CKAP2L: variants seen among roughly 807,000 people sequenced by gnomAD.
The protein encoded by CKAP2L is cytoskeleton associated protein 2L, also known as cytoskeleton-associated protein 2-like.
A neutral mutation model predicts 65.7 loss-of-function variants in CKAP2L; 42 were observed. That is an observed-to-expected ratio of 0.64 (90% CI 0.50 to 0.83). The LOEUF is 0.83. Among genes scored for constraint, CKAP2L ranks in the 40% least tolerant of loss-of-function variants. CKAP2L has a pLI of 0.00. For missense variants in CKAP2L, 908 were observed against 871.0 expected, an observed-to-expected ratio of 1.04 and a Z score of -0.53; for synonymous variants, 325 against 313.5, an observed-to-expected ratio of 1.04 and a Z score of -0.39.
chr2:112,750,981 A>G (rs1680356575), intron 5 of CKAP2L, among the ~76,000 whole-genome samples: 1 of 152,088 alleles, frequency 6.6e-6, no homozygotes, highest in Non-Finnish European at 1.5e-5. Context: ...GATCTTTTAA[A>G]AAGATTGAGA....
In CKAP2L at chr2:112,737,639, C is replaced by T. The variant is rs1679394709; in HGVS notation, c.*1184G>A. ...CTGCTGGTATTACAGGTTTATAGCT[C>T]AGTTTTTTGAGCTTTATTATAAATC... On this transcript the variant is annotated 3_prime_UTR_variant, in exon 9 of 9. Transcript: ENST00000302450. 1 of 152,076 alleles carries T rather than the reference C, an allele frequency of 6.6e-6. No homozygotes were observed. Among genetic ancestry groups the T allele is most frequent in the African/African-American group, 2.4e-5 (1 of 41,402 alleles). The allele number at this position is 152,076 out of a possible 1,614,324, so 9.4% of individuals were successfully genotyped here.
chr2:112,749,575 A>T (rs1054013219), intron 5 of CKAP2L, among the ~76,000 whole-genome samples: 1 of 152,044 alleles, frequency 6.6e-6, no homozygotes, highest in African/African-American at 2.4e-5. Context: ...GGCCACATTC[A>T]CCAACTACAA....
intron 5 of CKAP2L, among the ~76,000 whole-genome samples, chr2:112,749,482 C>T (rs925572674): frequency 6.6e-6 from 1 of 152,120 alleles, no homozygotes; most frequent in Non-Finnish European, 1.5e-5. Context: ...TTTTCAAACA[C>T]TTTTGGAACA....
In CKAP2L at chr2:112,738,933, C is replaced by A. The variant is rs1246284782; in HGVS notation, c.2128G>T (p.Val710Leu). 3 of 1,614,080 alleles carry A rather than the reference C, an allele frequency of 1.9e-6. No homozygotes were observed. Reference sequence around the variant, plus strand: ...AACAGTTCATCAAGAGAAGCCACTACTAAATCGTGTTCCTGCAGCATTTCT... The same window carrying A: ...AACAGTTCATCAAGAGAAGCCACTAATAAATCGTGTTCCTGCAGCATTTCT... ...YPEMLQEHDL[V>L]VASLDELLEV... The change falls in exon 9 of 9, where the codon GTA becomes TTA. Residue 710 changes from valine to leucine, a missense_variant. Val to Leu is a conservative substitution (Grantham distance 32, BLOSUM62 1). Transcript: ENST00000302450.
chr2:112,764,468 G>C, intron 1 of CKAP2L, 94 bp downstream of exon 1: 2 of 1,383,744 alleles, frequency 1.4e-6, no homozygotes, highest in Middle Eastern at 1.8e-4. Flanking sequence ...CGAGCGGACG[G>C]GCACCTCCCG....
rs1198563274 is a variant in CKAP2L at position 112,737,874 on chromosome 2, T to C, written c.*949A>G. On this transcript the variant is annotated 3_prime_UTR_variant, in exon 9 of 9. Coordinates refer to ENST00000302450, the MANE Select transcript of CKAP2L (RefSeq NM_152515.5). The stretch of plus-strand genomic sequence containing the variant: ...ATAAATAAGATAAACAAGCAGGAAC[T>C]AATAGAAATTTAATGTTGTTTTAAG... 1 of 152,230 alleles carries C rather than the reference T, an allele frequency of 6.6e-6. No homozygotes were observed. Among genetic ancestry groups the C allele is most frequent in the Non-Finnish European group, 1.5e-5 (1 of 68,046 alleles). The allele number at this position is 152,230 out of a possible 1,614,324, so 9.4% of individuals were successfully genotyped here.
At chr2:112,764,507 C>T (rs1439073278) in intron 1 of CKAP2L, 55 bp downstream of exon 1, 8 of 1,598,780 alleles carry the variant, frequency 5.0e-6, no homozygotes, top group Admixed American at 3.3e-5. Context: ...TGGCCTCCTA[C>T]TTCCCCGGCC....
chr2:112,757,523 G>T (rs1680583906), intron 3 of CKAP2L, among the ~76,000 whole-genome samples: 1 of 151,522 alleles, frequency 6.6e-6, no homozygotes, highest in Admixed American at 6.6e-5. Flanking sequence ...GCAAGTGGCT[G>T]GACTACAGGC....
At chr2:112,750,544 T>C (rs1340615823) in intron 5 of CKAP2L, among the ~76,000 whole-genome samples, 1 of 152,214 alleles carries the variant, frequency 6.6e-6, no homozygotes, top group Non-Finnish European at 1.5e-5. Context: ...TTTCTGATCC[T>C]ACAACTTCAC....
intron 6 of CKAP2L, 117 bp from the exon 7 acceptor site, chr2:112,742,886 C>G: frequency 1.5e-6 from 1 of 659,414 alleles, no homozygotes; most frequent in Non-Finnish European, 2.6e-6. Context: ...AAAATCTCGT[C>G]TAACTATAAA....
intron 4 of CKAP2L, among the ~76,000 whole-genome samples, chr2:112,755,633 T>TATCTGCTCTATTGCTGTTC (rs1361386163): frequency 6.6e-6 from 1 of 152,106 alleles, no homozygotes; most frequent in East Asian, 1.9e-4. Context: ...TGAACTCACT[T>TATCTGCTCTATTGCTGTTC]ATCTGCTCTA....
chr2:112,755,738 G>GA (rs150191453), intron 4 of CKAP2L, among the ~76,000 whole-genome samples: 25 of 136,538 alleles, frequency 1.8e-4, no homozygotes, highest in South Asian at 4.6e-4. Flanking sequence ...TTCTTAAAAA[G>GA]AAAAAAAAAA....
At chr2:112,739,891 T>TA (rs1679764865) in intron 8 of CKAP2L, among the ~76,000 whole-genome samples, 1 of 152,156 alleles carries the variant, frequency 6.6e-6, no homozygotes, top group African/African-American at 2.4e-5. Context: ...TAGGCTCAAG[T>TA]AATCCTCCTG....
intron 4 of CKAP2L, among the ~76,000 whole-genome samples, chr2:112,753,412 A>C (rs1680435824): frequency 6.6e-6 from 1 of 152,186 alleles, no homozygotes; most frequent in African/African-American, 2.4e-5. Flanking sequence ...ATATTTTCCA[A>C]GGCAGAAAGG....
intron 4 of CKAP2L, among the ~76,000 whole-genome samples, chr2:112,754,477 A>G (rs1001138480): frequency 6.6e-6 from 1 of 152,200 alleles, no homozygotes; most frequent in Non-Finnish European, 1.5e-5. Flanking sequence ...CCTTCTAATC[A>G]TAAACGAAGA....
chr2:112,759,701 T>C (rs985157757), intron 3 of CKAP2L, among the ~76,000 whole-genome samples: 2 of 152,224 alleles, frequency 1.3e-5, no homozygotes, highest in African/African-American at 2.4e-5. Context: ...TTTTGCCTTA[T>C]ATACATTTTG....
At chr2:112,753,529 T>C (rs1680442698) in intron 4 of CKAP2L, among the ~76,000 whole-genome samples, 2 of 134,158 alleles carry the variant, frequency 1.5e-5, no homozygotes, top group South Asian at 2.3e-4. Context: ...TTCTTTTCTT[T>C]TTTTTTTTTT....
rs1279311359 is a variant in CKAP2L, at chr2:112,757,184, G to C, written c.187C>G (p.His63Asp). 6.2e-7 allele frequency: 1 copy of C among 1,608,988 alleles called. No homozygotes were observed. Among genetic ancestry groups the C allele is most frequent in the Non-Finnish European group, 8.5e-7 (1 of 1,177,380 alleles). ...TIRPKNDVTN[H>D]VVLPVKPKRS... ...TTAGGTTTGACAGGCAAAACAACATGGTTGGTAACATCATTTTTGGGTCTA... is the reference window on the plus strand; with the variant it reads ...TTAGGTTTGACAGGCAAAACAACATCGTTGGTAACATCATTTTTGGGTCTA... Residue 63 changes from histidine (H) to aspartate (D), a missense_variant, in exon 4 of 9, where the codon CAT (histidine) becomes GAT (aspartate). Coordinates refer to ENST00000302450, the MANE Select transcript of CKAP2L (RefSeq NM_152515.5).
At chr2:112,753,228 C>G (rs551378848) in intron 4 of CKAP2L, among the ~76,000 whole-genome samples, 4 of 152,160 alleles carry the variant, frequency 2.6e-5, no homozygotes, top group African/African-American at 9.7e-5. Context: ...TAAAACCCAC[C>G]GCCTAGTTGA....
Sources: gnomAD v4.1 joint callset for allele counts (sites outside exome capture counted in the v4.1 genomes callset) on GRCh38, gnomAD v4.1.1 for gene constraint, MANE v1.5 for transcripts, NCBI Gene and HGNC (gene_info 2026-07-23, HGNC 2026-07-21) for gene names.